DTNB: variants seen among roughly 807,000 people sequenced by gnomAD.
The protein encoded by DTNB is dystrobrevin beta.
In DTNB, 63 loss-of-function variants were observed where a neutral mutation model predicts 90.7. The observed-to-expected ratio is 0.69, with a 90% CI of 0.57 to 0.86. DTNB has a LOEUF of 0.86. Ranked by LOEUF, DTNB falls within the 40% of genes least tolerant of loss-of-function variation. The probability of loss-of-function intolerance (pLI) is 0.00; values close to 1 mark genes in which losing one functional copy is unlikely to be tolerated. For synonymous variants in DTNB, 277 were observed against 286.7 expected (o/e 0.97, Z 0.34); for missense variants, 744 against 807.1 (o/e 0.92, Z 0.95).
chr2:25,481,336 T>G (rs1574974656), intron 10 of DTNB, among the ~76,000 whole-genome samples: 1 of 146,600 alleles, frequency 6.8e-6, no homozygotes, highest in Non-Finnish European at 1.5e-5. Flanking sequence ...ACCTGGGAGG[T>G]GGAGGTTGCA....
chr2:25,516,413 A>T lies in DTNB; in HGVS notation c.1001+15060T>A, dbSNP rs1265907244. Among the ~76,000 whole-genome samples, 3 of 151,676 alleles carry T rather than the reference A, an allele frequency of 2.0e-5. No individual in the cohort carries two copies. The East Asian group carries it at 5.8e-4, about 30-fold the overall frequency. On this transcript the variant is annotated intron_variant, in intron 9 of 20. Transcript: ENST00000406818. ...AGGCATGCATCACCCCACCCCGCTA[A>T]TTTTTTTGTATCTTTTTTAAGTAGA... is the stretch of plus-strand genomic sequence containing the variant.
intron 6 of DTNB, among the ~76,000 whole-genome samples, chr2:25,593,198 T>C: frequency 6.6e-6 from 1 of 152,236 alleles, no homozygotes; most frequent in Admixed American, 6.5e-5. Flanking sequence ...ATAGTCATAC[T>C]TTCTCTTTAA....
chr2:25,451,536 C>T lies in DTNB; in HGVS notation c.1257+12G>A. On this transcript the variant is annotated intron_variant, in intron 12 of 20. Transcript: ENST00000406818. Reference sequence around the variant, plus strand: ...ATTTCTGCTACTCTCCTGGGATCCTCCATTAACTTACCACGTTTCCTGCTT... The same window carrying T: ...ATTTCTGCTACTCTCCTGGGATCCTTCATTAACTTACCACGTTTCCTGCTT... The T allele has an allele frequency of 6.2e-7, 1 of 1,601,304 alleles. No homozygotes were observed. Among genetic ancestry groups the T allele is most frequent in the Non-Finnish European group, 8.5e-7 (1 of 1,173,736 alleles).
At chr2:25,561,575 T>C (rs1384455839) in intron 8 of DTNB, among the ~76,000 whole-genome samples, 1 of 152,036 alleles carries the variant, frequency 6.6e-6, no homozygotes, top group Admixed American at 6.6e-5. Flanking sequence ...TGGTGGGAGG[T>C]GACTGCATTA....
chr2:25,427,180 AACACACACACACACAC>A (rs3041256), intron 15 of DTNB, among the ~76,000 whole-genome samples: 7 of 139,654 alleles, frequency 5.0e-5, no homozygotes, highest in East Asian at 4.3e-4. Context: ...TCCATCTCAA[AACACACACACACACAC>A]ACACACACAC....
In DTNB at chr2:25,377,529, C is replaced by T. The variant is rs2036134715; in HGVS notation, c.*54G>A. The T allele has an allele frequency of 6.6e-6, 1 of 152,640 alleles. No homozygotes were observed. The allele number at this position is 152,640 out of a possible 1,614,324, so 9.5% of individuals were successfully genotyped here. Reference sequence around the variant, plus strand: ...AGACCTTGCCTTCGCCATGTCGGCGCCAGCTTGCTCCTCGTCCTCTGTGCC... The same window carrying T: ...AGACCTTGCCTTCGCCATGTCGGCGTCAGCTTGCTCCTCGTCCTCTGTGCC... On this transcript the variant is annotated 3_prime_UTR_variant, in exon 21 of 21. Transcript: ENST00000406818.
chr2:25,552,296 G>C (rs1476816196), intron 8 of DTNB, among the ~76,000 whole-genome samples: 4 of 152,194 alleles, frequency 2.6e-5, no homozygotes, highest in Non-Finnish European at 4.4e-5. Flanking sequence ...AGTGAAAGAG[G>C]GATGGAAGGT....
intron 12 of DTNB, among the ~76,000 whole-genome samples, chr2:25,449,082 A>C (rs982817932): frequency 4.6e-5 from 7 of 152,108 alleles, no homozygotes; most frequent in African/African-American, 1.7e-4. Context: ...CTAGAATTTC[A>C]CATAGAAAAA....
chr2:25,454,411 TA>T (rs1181163862), intron 11 of DTNB, among the ~76,000 whole-genome samples: 1 of 152,200 alleles, frequency 6.6e-6, no homozygotes, highest in Non-Finnish European at 1.5e-5. Context: ...GATCAAAATT[TA>T]AAGCTTCAGC....
chr2:25,493,057 A>T (rs1340437644), intron 9 of DTNB, among the ~76,000 whole-genome samples: 2 of 152,196 alleles, frequency 1.3e-5, no homozygotes, highest in Non-Finnish European at 2.9e-5. Context: ...CATTTCTTTT[A>T]GCTGTGGAGG....
intron 16 of DTNB, among the ~76,000 whole-genome samples, chr2:25,415,700 T>C (rs1239977784): frequency 6.6e-6 from 1 of 152,048 alleles, no homozygotes; most frequent in Non-Finnish European, 1.5e-5. Flanking sequence ...CAATCATGCA[T>C]ACATAATGGA....
chr2:25,465,233 G>A (rs1219054195), intron 10 of DTNB, among the ~76,000 whole-genome samples: 7 of 152,086 alleles, frequency 4.6e-5, no homozygotes, highest in South Asian at 2.1e-4. Context: ...AAAATTAGCC[G>A]GGCGTGGTGG....
intron 8 of DTNB, among the ~76,000 whole-genome samples, chr2:25,555,163 T>C (rs954845625): frequency 1.1e-4 from 17 of 151,398 alleles, no homozygotes; most frequent in Admixed American, 1.1e-3. Context: ...TGGTGGCGGG[T>C]GCCTGTAGTC....
At chr2:25,633,080 C>T (rs1250702937) in intron 3 of DTNB, among the ~76,000 whole-genome samples, 1 of 152,176 alleles carries the variant, frequency 6.6e-6, no homozygotes, top group Non-Finnish European at 1.5e-5. Context: ...GAGTCGAGAA[C>T]AATTGCTAGA....
chr2:25,592,334 T>A (rs1484838823), intron 6 of DTNB, among the ~76,000 whole-genome samples: 1 of 152,140 alleles, frequency 6.6e-6, no homozygotes, highest in African/African-American at 2.4e-5. Context: ...ATTTAATTGC[T>A]AGGTCATGAG....
chr2:25,648,296 A>C (rs1251519995), intron 2 of DTNB, among the ~76,000 whole-genome samples: 1 of 152,220 alleles, frequency 6.6e-6, no homozygotes, highest in Non-Finnish European at 1.5e-5. Context: ...CATGATAAAC[A>C]GATGTGATAC....
chr2:25,427,309 C>A (rs757094551), intron 15 of DTNB, among the ~76,000 whole-genome samples: 1 of 152,024 alleles, frequency 6.6e-6, no homozygotes, highest in African/African-American at 2.4e-5. Context: ...ATAAAAGCAA[C>A]TGCTCGAGAC....
At chr2:25,451,469 T>C in intron 12 of DTNB, 79 bp downstream of exon 12, 5 of 1,417,804 alleles carry the variant, frequency 3.5e-6, no homozygotes, top group South Asian at 1.4e-5. Flanking sequence ...CTAAATTTCA[T>C]GTCTACTATT....
intron 8 of DTNB, among the ~76,000 whole-genome samples, chr2:25,534,749 C>T (rs1234441754): frequency 1.4e-5 from 2 of 146,900 alleles, no homozygotes; most frequent in African/African-American, 2.5e-5. Context: ...GATGGGCGGC[C>T]GGGCAGAGGC....
Sources: gnomAD v4.1 joint callset for allele counts (sites outside exome capture counted in the v4.1 genomes callset) on GRCh38, gnomAD v4.1.1 for gene constraint, MANE v1.5 for transcripts, NCBI Gene and HGNC (gene_info 2026-07-23, HGNC 2026-07-21) for gene names.